DAB1: variants seen among roughly 807,000 people sequenced by gnomAD.
DAB1 encodes the protein DAB adaptor protein 1.
In DAB1, 15 loss-of-function variants were observed where a neutral mutation model predicts 64.6. That is an observed-to-expected ratio of 0.23 (90% CI 0.16 to 0.36). DAB1 has a LOEUF of 0.36. Among genes scored for constraint, DAB1 ranks in the 10% least tolerant of loss-of-function variants. The pLI is 1.00. For missense variants in DAB1, 596 were observed against 706.7 expected, an observed-to-expected ratio of 0.84 and a Z score of 1.78; for synonymous variants, 235 against 251.9, an observed-to-expected ratio of 0.93 and a Z score of 0.64.
intron 7 of DAB1, among the ~76,000 whole-genome samples, chr1:57,476,235 A>C (rs962679428): frequency 4.6e-5 from 7 of 151,614 alleles, no homozygotes; most frequent in Admixed American, 1.3e-4. Context: ...TCAAAAAAAA[A>C]AAAAACAAAA....
intron 1 of DAB1, among the ~76,000 whole-genome samples, chr1:57,383,488 CT>C (rs1163907789): frequency 6.6e-6 from 1 of 152,134 alleles, no homozygotes; most frequent in African/African-American, 2.4e-5. Flanking sequence ...GCACTTGCCC[CT>C]GGAATCTCAT....
intron 5 of DAB1, among the ~76,000 whole-genome samples, chr1:58,131,811 C>A (rs1016191848): frequency 1.3e-5 from 2 of 149,824 alleles, no homozygotes; most frequent in East Asian, 2.0e-4. Context: ...GGCAGTCTGC[C>A]CGTTCTCAGA....
intron 5 of DAB1, among the ~76,000 whole-genome samples, chr1:57,951,186 T>C (rs997297672): frequency 1.3e-5 from 2 of 151,206 alleles, no homozygotes; most frequent in African/African-American, 2.4e-5. Flanking sequence ...CAGTTTTCAA[T>C]CTGCTCCTTT....
chr1:57,228,582 A>G (rs1267054067), intron 2 of DAB1, among the ~76,000 whole-genome samples: 1 of 152,196 alleles, frequency 6.6e-6, no homozygotes, highest in African/African-American at 2.4e-5. Flanking sequence ...AAATGATTTA[A>G]TTATTGCTTT....
chr1:57,534,777 G>A (rs553917045), intron 7 of DAB1, among the ~76,000 whole-genome samples: 15 of 152,198 alleles, frequency 9.9e-5, no homozygotes, highest in Admixed American at 7.2e-4. Flanking sequence ...TTTGAAAAGC[G>A]TAAATGAGAT....
chr1:57,431,152 A>G (rs907394081), intron 7 of DAB1, among the ~76,000 whole-genome samples: 5 of 151,558 alleles, frequency 3.3e-5, no homozygotes, highest in African/African-American at 1.2e-4. Context: ...ACAAAAAAAA[A>G]AAAAAGAAAA....
chr1:58,337,088 C>A (rs540333921), intron 4 of DAB1, among the ~76,000 whole-genome samples: 9 of 152,100 alleles, frequency 5.9e-5, no homozygotes, highest in African/African-American at 2.2e-4. Flanking sequence ...TTGAGACCAG[C>A]CTGGCCAACA....
intron 5 of DAB1, among the ~76,000 whole-genome samples, chr1:57,927,213 T>C (rs746391507): frequency 5.3e-5 from 8 of 152,186 alleles, no homozygotes; most frequent in Non-Finnish European, 1.0e-4. Flanking sequence ...CTTCATTTCA[T>C]AAAGAAGGCA....
intron 3 of DAB1, among the ~76,000 whole-genome samples, chr1:58,450,844 G>A (rs1283264152): frequency 6.6e-6 from 1 of 152,204 alleles, no homozygotes; most frequent in Non-Finnish European, 1.5e-5. Flanking sequence ...GTTAAAGTCA[G>A]CAGTTATGTT....
intron 7 of DAB1, among the ~76,000 whole-genome samples, chr1:57,431,895 C>T (rs753286135): frequency 3.8e-4 from 58 of 151,938 alleles, no homozygotes; most frequent in Non-Finnish European, 5.9e-4. Flanking sequence ...AGGCCGAGGC[C>T]GGCAGATCAC....
intron 7 of DAB1, among the ~76,000 whole-genome samples, chr1:57,614,262 AAAAC>A (rs752764140): frequency 2.0e-5 from 3 of 152,242 alleles, no homozygotes; most frequent in Non-Finnish European, 4.4e-5. Flanking sequence ...TTCAAAGTTA[AAAAC>A]AAACAAACAA....
At chr1:58,353,701 T>G (rs1255969904) in intron 3 of DAB1, among the ~76,000 whole-genome samples, 2 of 152,196 alleles carry the variant, frequency 1.3e-5, no homozygotes, top group East Asian at 1.9e-4. Flanking sequence ...CAATTCTGCA[T>G]TCTTCTTTAT....
chr1:57,775,740 C>T (rs1020699186), intron 6 of DAB1, among the ~76,000 whole-genome samples: 1 of 151,418 alleles, frequency 6.6e-6, no homozygotes, highest in Non-Finnish European at 1.5e-5. Context: ...CTGATCAAAG[C>T]TTCTATATTC....
intron 7 of DAB1, among the ~76,000 whole-genome samples, chr1:57,448,229 C>T (rs1477830627): frequency 2.0e-5 from 3 of 152,168 alleles, no homozygotes; most frequent in African/African-American, 7.2e-5. Context: ...ATGTCCCAGG[C>T]AGTCTAAATA....
chr1:57,045,355 A>G (rs923438476), intron 9 of DAB1, among the ~76,000 whole-genome samples: 2 of 152,214 alleles, frequency 1.3e-5, no homozygotes, highest in Non-Finnish European at 2.9e-5. Flanking sequence ...GGAAACAGCA[A>G]CATAGAAACT....
At chr1:57,262,318 C>T (rs892980198) in intron 2 of DAB1, among the ~76,000 whole-genome samples, 1 of 152,256 alleles carries the variant, frequency 6.6e-6, no homozygotes, top group Non-Finnish European at 1.5e-5. Flanking sequence ...ATCACATCAA[C>T]TCCAATCATT....
At chr1:57,508,340 A>G (rs12073879) in intron 7 of DAB1, among the ~76,000 whole-genome samples, 8,537 of 152,268 alleles carry the variant, frequency 0.056, 820 homozygotes, top group African/African-American at 0.2. Context: ...CACCTAGAAT[A>G]GTGCCTGACA....
rs953598633 is a variant in DAB1 at position 57,197,115 on chromosome 1, C to A, written c.68-51686G>T. On this transcript the variant is annotated intron_variant, in intron 2 of 14. Coordinates refer to ENST00000371236, the MANE Select transcript of DAB1 (RefSeq NM_001365792.1). Reference sequence around the variant, plus strand: ...CTTTGGGAGGCTGAGGCGGGCAGATCACTTGAGGTCAGGAGTTCAAGACCA... The same window carrying A: ...CTTTGGGAGGCTGAGGCGGGCAGATAACTTGAGGTCAGGAGTTCAAGACCA... Among the ~76,000 whole-genome samples the A allele has an allele frequency of 5.9e-5, 9 of 152,240 alleles. No homozygotes were observed. In the East Asian group the frequency reaches 1.7e-3, roughly 29 times the overall value.
At chr1:57,763,511 C>T (rs907620138) in intron 6 of DAB1, among the ~76,000 whole-genome samples, 9 of 151,760 alleles carry the variant, frequency 5.9e-5, no homozygotes, top group African/African-American at 2.2e-4. Flanking sequence ...CCTGTTTCTA[C>T]AGAAAAAGGA....
Sources: allele counts gnomAD v4.1 joint callset (sites outside exome capture counted in the v4.1 genomes callset), GRCh38; gene constraint gnomAD v4.1.1; transcripts MANE v1.5; gene names NCBI Gene and HGNC (gene_info 2026-07-23, HGNC 2026-07-21).